EID1: variants seen among roughly 807,000 people sequenced by gnomAD.
The protein encoded by EID1 is EP300 interacting inhibitor of differentiation 1.
EID1 carries 3 observed loss-of-function variants against 13.7 expected under a neutral mutation model. The observed-to-expected ratio is 0.22, with a 90% CI of 0.10 to 0.57. EID1 has a LOEUF of 0.57. EID1 is among the 20% of genes least tolerant of loss of function. The pLI is 0.92. For missense variants in EID1, 261 were observed against 247.6 expected (o/e 1.05, Z -0.36); for synonymous variants, 105 against 97.6 (o/e 1.08, Z -0.44).
In EID1 at chr15:48,879,312, G is replaced by A. The variant is rs1370523015; in HGVS notation, c.*572G>A. On this transcript the variant is annotated 3_prime_UTR_variant, in exon 1 of 1. Coordinates refer to ENST00000530028, the MANE Select transcript of EID1 (RefSeq NM_014335.3). Reference sequence around the variant, plus strand: ...CTCAAATATGTATCACGTGTGCTTTGTATCTTAAGATGTGTTTCCAAGAGC... The same window carrying A: ...CTCAAATATGTATCACGTGTGCTTTATATCTTAAGATGTGTTTCCAAGAGC... 6.0e-6 allele frequency: 1 copy of A among 167,288 alleles called. No individual in the cohort carries two copies. The highest frequency in any genetic ancestry group is 1.5e-5 in the Non-Finnish European group (1 of 68,316). The allele number at this position is 167,288 out of a possible 1,614,324, so 10.4% of individuals were successfully genotyped here.
In EID1 at chr15:48,878,140, C is replaced by T. The variant is rs747159989; in HGVS notation, c.-37C>T. Reference sequence around the variant, plus strand: ...GCACGGCCGCGCAGCATCTGTCTTGCTGGAAGCTTTTTCCTAGAGGTTGAG... The same window carrying T: ...GCACGGCCGCGCAGCATCTGTCTTGTTGGAAGCTTTTTCCTAGAGGTTGAG... On this transcript the variant is annotated 5_prime_UTR_variant, in exon 1 of 1. Transcript: ENST00000530028. 6.6e-7 allele frequency: 1 copy of T among 1,518,736 alleles called. No homozygotes were observed. 94.1% of individuals were successfully genotyped at this position (1,518,736 alleles called of 1,614,324 possible).
rs1218006394 is a variant in EID1 at position 48,878,399 on chromosome 15, C to T, written c.223C>T (p.Leu75Phe). 7 of 1,612,148 alleles carry T rather than the reference C, an allele frequency of 4.3e-6. No individual in the cohort carries two copies. Among genetic ancestry groups the T allele is most frequent in the Non-Finnish European group, 4.2e-6 (5 of 1,178,996 alleles). ...PMAAPEGKRS[L>F]ANGPNAGEQP... ...GGCGGCGCCAGAGGGGAAACGGAGC[C>T]TTGCTAACGGGCCCAACGCTGGGGA... Residue 75 changes from leucine to phenylalanine, a missense_variant, in exon 1 of 1, where the codon CTT (leucine) becomes TTT (phenylalanine). Physicochemically the swap from Leu to Phe is conservative, Grantham distance 22. Around this residue, in one of 2 missense-constraint regions of EID1, gnomAD observed 244 missense variants for 210.8 expected, o/e 1.16. Transcript: ENST00000530028.
rs1056838803 is a variant in EID1, at chr15:48,878,662, C to A, written c.486C>A (p.Ile162=). 10 of 1,613,884 alleles carry A rather than the reference C, an allele frequency of 6.2e-6. No homozygotes were observed. The East Asian group carries it at 2.2e-4, about 36-fold the overall frequency. The change falls in exon 1 of 1, where the codon ATC becomes ATA. Residue 162 remains isoleucine (I), a synonymous_variant. Transcript: ENST00000530028. ...CCCCGTTTGATCAGTTAGCTTTTAT[C>A]GAAGAGCTTTTTTCACTGATGGTTG... The part of the protein sequence containing the change: ...EKTPFDQLAF[I]EELFSLMVVN...
rs1219209443 is a variant in EID1 at position 48,879,208 on chromosome 15, G to A, written c.*468G>A. 1 of 169,220 alleles carries A rather than the reference G, an allele frequency of 5.9e-6. No homozygotes were observed. The highest frequency in any genetic ancestry group is 1.4e-5 in the Non-Finnish European group (1 of 69,520). The allele number at this position is 169,220 out of a possible 1,614,324, so 10.5% of individuals were successfully genotyped here. On this transcript the variant is annotated 3_prime_UTR_variant, in exon 1 of 1. Coordinates refer to ENST00000530028, the MANE Select transcript of EID1 (RefSeq NM_014335.3). ...TGGACTGAAAGCTTAAGAAAACTTG[G>A]AAAATTCTATTTTGTGATCTAGTCA...
Position 48,878,415 on chromosome 15 carries a change from A to G in EID1, c.239A>G (p.Asn80Ser), listed in dbSNP as rs1466295535. Residue 80 changes from asparagine (N) to serine (S), a missense_variant, in exon 1 of 1, where the codon AAC becomes AGC. Physicochemically the swap from Asn to Ser is conservative, Grantham distance 46 (BLOSUM62 1). Coordinates refer to ENST00000530028, the MANE Select transcript of EID1 (RefSeq NM_014335.3). ...AAACGGAGCCTTGCTAACGGGCCCA[A>G]CGCTGGGGAGCAGCCAGGCCAGGTG... ...EGKRSLANGP[N>S]AGEQPGQVAG... 2 of 1,612,056 alleles carry G rather than the reference A, an allele frequency of 1.2e-6. No homozygotes were observed. The highest frequency in any genetic ancestry group is 1.7e-6 in the Non-Finnish European group (2 of 1,178,996).
In EID1 at chr15:48,878,312, C is replaced by T; in HGVS notation, c.136C>T (p.Arg46Cys). The change falls in exon 1 of 1, where the codon CGC becomes TGC. Residue 46 changes from arginine (R) to cysteine (C), a missense_variant. Around this residue, in one of 2 missense-constraint regions of EID1, gnomAD observed 244 missense variants for 210.8 expected, o/e 1.16. Transcript: ENST00000530028. The part of the protein sequence containing the change: ...GSRELSLRPS[R>C]SGAQQLEEEG... Reference sequence around the variant, plus strand: ...CCGGGAGCTATCCCTGCGTCCCTCCCGCAGCGGGGCCCAACAGCTCGAGGA... The same window carrying T: ...CCGGGAGCTATCCCTGCGTCCCTCCTGCAGCGGGGCCCAACAGCTCGAGGA... 1 of 1,613,680 alleles carries T rather than the reference C, an allele frequency of 6.2e-7. No individual in the cohort carries two copies. The highest frequency in any genetic ancestry group is 2.2e-5 in the East Asian group (1 of 44,876).
At position 48,878,764 on chromosome 15, in the gene EID1, A is replaced by G. The variant is rs745541224; in HGVS notation, c.*24A>G. On this transcript the variant is annotated 3_prime_UTR_variant, in exon 1 of 1. Transcript: ENST00000530028. The stretch of plus-strand genomic sequence containing the variant: ...AGTTAGATGCTGTTAAAAGAGGAGG[A>G]AACTACTTGAGGAGGGACCCAACTT... The G allele has an allele frequency of 1.6e-5, 25 of 1,587,506 alleles. No individual in the cohort carries two copies. Among genetic ancestry groups the G allele is most frequent in the Non-Finnish European group, 2.2e-5 (25 of 1,160,798 alleles).
rs370992223 is a variant in EID1, at chr15:48,878,248, C to T, written c.72C>T (p.Gly24=). ...ACCTGCAGATGGATGTGATGCCTGG[C>T]GAGGGTGACCTTCCGCAGATGGAGG... is the stretch of plus-strand genomic sequence containing the variant. The part of the protein sequence containing the change: ...SSDLQMDVMP[G]EGDLPQMEVG... Residue 24 remains glycine (G), a synonymous_variant, in exon 1 of 1, where the codon GGC becomes GGT. Transcript: ENST00000530028. 8.1e-5 allele frequency: 131 copies of T among 1,610,946 alleles called. No individual in the cohort carries two copies. Among genetic ancestry groups the T allele is most frequent in the Non-Finnish European group, 1.1e-4 (126 of 1,178,268 alleles).
At position 48,878,523 on chromosome 15, in the gene EID1, A is replaced by G; in HGVS notation, c.347A>G (p.Gln116Arg). The G allele has an allele frequency of 6.2e-7, 1 of 1,614,086 alleles. No homozygotes were observed. The highest frequency in any genetic ancestry group is 1.7e-5 in the Admixed American group (1 of 60,036). ...EDDYDYPEEE[Q>R]LSGAGYRVSA... is the part of the protein sequence containing the mutation. Reference sequence around the variant, plus strand: ...GACTACGACTATCCCGAAGAGGAGCAGCTCAGTGGTGCCGGCTACAGAGTA... The same window carrying G: ...GACTACGACTATCCCGAAGAGGAGCGGCTCAGTGGTGCCGGCTACAGAGTA... The change falls in exon 1 of 1, where the codon CAG (glutamine) becomes CGG (arginine). Residue 116 changes from glutamine to arginine, a missense_variant. Coordinates refer to ENST00000530028, the MANE Select transcript of EID1 (RefSeq NM_014335.3).
At position 48,880,025 on chromosome 15, in the gene EID1, T is replaced by G. The variant is rs1237969681; in HGVS notation, c.*1285T>G. ...GAGTATGTTGCCGTGGTTACCTTAC[T>G]AAGATGCTGAAGTTCTAGGAGAGTA... is the stretch of plus-strand genomic sequence containing the variant. On this transcript the variant is annotated 3_prime_UTR_variant, in exon 1 of 1. Coordinates refer to ENST00000530028, the MANE Select transcript of EID1 (RefSeq NM_014335.3). 1 of 167,092 alleles carries G rather than the reference T, an allele frequency of 6.0e-6. No homozygotes were observed. The highest frequency in any genetic ancestry group is 2.4e-5 in the African/African-American group (1 of 41,464). 10.4% of individuals were successfully genotyped at this position (167,092 alleles called of 1,614,324 possible).
chr15:48,878,693 C>T lies in EID1; in HGVS notation c.517C>T (p.Arg173Cys). Residue 173 changes from arginine (R) to cysteine (C), a missense_variant, in exon 1 of 1, where the codon CGT becomes TGT. Physicochemically the swap from Arg to Cys is radical, Grantham distance 180 (BLOSUM62 -3). Around this residue, in one of 2 missense-constraint regions of EID1, gnomAD observed 17 missense variants for 36.7 expected, o/e 0.46. Coordinates refer to ENST00000530028, the MANE Select transcript of EID1 (RefSeq NM_014335.3). ...GCTTTTTTCACTGATGGTTGTCAAT[C>T]GTCTGACCGAAGAACTCGGCTGTGA... ...EELFSLMVVN[R>C]LTEELGCDEI... is the part of the protein sequence containing the mutation. 1 of 1,613,948 alleles carries T rather than the reference C, an allele frequency of 6.2e-7. No homozygotes were observed. Among genetic ancestry groups the T allele is most frequent in the Non-Finnish European group, 8.5e-7 (1 of 1,179,842 alleles).
rs1899871720 is a variant in EID1, at chr15:48,878,496, A to T, written c.320A>T (p.Asp107Val). Residue 107 changes from aspartate (D) to valine (V), a missense_variant, in exon 1 of 1, where the codon GAC becomes GTC. Coordinates refer to ENST00000530028, the MANE Select transcript of EID1 (RefSeq NM_014335.3). Reference protein sequence around the residue: ...DEGEEFDDWEDDYDYPEEEQL... With the variant: ...DEGEEFDDWEVDYDYPEEEQL... ...GGCGAGGAATTTGATGACTGGGAGG[A>T]CGACTACGACTATCCCGAAGAGGAG... is the stretch of plus-strand genomic sequence containing the variant. 6.2e-7 allele frequency: 1 copy of T among 1,613,982 alleles called. No homozygotes were observed. The highest frequency in any genetic ancestry group is 8.5e-7 in the Non-Finnish European group (1 of 1,179,860).
rs751174240 is a variant in EID1 at position 48,879,655 on chromosome 15, T to C, written c.*915T>C. On this transcript the variant is annotated 3_prime_UTR_variant, in exon 1 of 1. Transcript: ENST00000530028. ...AAAAGCGCTATATCTAAAAAGACTT[T>C]ATGAACAGTTATTCTATCAACTTTT... 2.4e-5 allele frequency: 4 copies of C among 167,102 alleles called. No homozygotes were observed. Among genetic ancestry groups the C allele is most frequent in the Non-Finnish European group, 5.9e-5 (4 of 68,120 alleles). 10.4% of individuals were successfully genotyped at this position (167,102 alleles called of 1,614,324 possible).
chr15:48,878,512 C>A lies in EID1; in HGVS notation c.336C>A (p.Pro112=). ...ACTGGGAGGACGACTACGACTATCC[C>A]GAAGAGGAGCAGCTCAGTGGTGCCG... ...FDDWEDDYDY[P]EEEQLSGAGY... The change falls in exon 1 of 1, where the codon CCC becomes CCA. Residue 112 remains proline (P), a synonymous_variant. Coordinates refer to ENST00000530028, the MANE Select transcript of EID1 (RefSeq NM_014335.3). The A allele has an allele frequency of 1.2e-6, 2 of 1,614,018 alleles. No individual in the cohort carries two copies. Among genetic ancestry groups the A allele is most frequent in the Non-Finnish European group, 1.7e-6 (2 of 1,179,884 alleles).
At position 48,879,511 on chromosome 15, in the gene EID1, C is replaced by T. The variant is rs750890434; in HGVS notation, c.*771C>T. 6 of 166,962 alleles carry T rather than the reference C, an allele frequency of 3.6e-5. No homozygotes were observed. Among genetic ancestry groups the T allele is most frequent in the Non-Finnish European group, 7.3e-5 (5 of 68,084 alleles). 10.3% of individuals were successfully genotyped at this position (166,962 alleles called of 1,614,324 possible). A position where few individuals can be genotyped will look rare whatever the true frequency, so the allele number is the denominator to read the frequency against. ...GTGTGAATGTACAAAGAAAACAAAC[C>T]ATTGCTTATGCTGTTATATACTAGA... On this transcript the variant is annotated 3_prime_UTR_variant, in exon 1 of 1. Transcript: ENST00000530028.
rs573203888 is a variant in EID1 at position 48,878,737 on chromosome 15, G to C, written c.561G>C (p.Glu187Asp). The C allele has an allele frequency of 6.2e-7, 1 of 1,609,706 alleles. No individual in the cohort carries two copies. The highest frequency in any genetic ancestry group is 1.3e-5 in the African/African-American group (1 of 74,792). The change falls in exon 1 of 1, where the codon GAG (glutamate) becomes GAC (aspartate). Residue 187 changes from glutamate (E) to aspartate (D), a missense_variant. By Grantham distance (45) the Glu-to-Asp change is conservative. Around this residue, in one of 2 missense-constraint regions of EID1, gnomAD observed 17 missense variants for 36.7 expected, o/e 0.46. Coordinates refer to ENST00000530028, the MANE Select transcript of EID1 (RefSeq NM_014335.3). ...GCTGTGATGAGATTATTGATAGAGAGTAGTTAGATGCTGTTAAAAGAGGAG... is the reference window on the plus strand; with the variant it reads ...GCTGTGATGAGATTATTGATAGAGACTAGTTAGATGCTGTTAAAAGAGGAG... ...ELGCDEIIDR[E>D]
Position 48,878,260 on chromosome 15 carries a change from T to G in EID1, c.84T>G (p.Leu28=). 6.2e-7 allele frequency: 1 copy of G among 1,613,028 alleles called. No homozygotes were observed. ...QMDVMPGEGD[L]PQMEVGSGSR... ...ATGTGATGCCTGGCGAGGGTGACCT[T>G]CCGCAGATGGAGGTAGGCAGCGGGA... The change falls in exon 1 of 1, where the codon CTT becomes CTG. Residue 28 remains leucine (L), a synonymous_variant. Transcript: ENST00000530028.
In EID1 at chr15:48,878,865, A is replaced by C; in HGVS notation, c.*125A>C. On this transcript the variant is annotated 3_prime_UTR_variant, in exon 1 of 1. Coordinates refer to ENST00000530028, the MANE Select transcript of EID1 (RefSeq NM_014335.3). ...TGACCTTCAAAAAAATTTGTTTTTC[A>C]GAATAGAACACAATAGGACAGTGAC... The C allele has an allele frequency of 2.5e-6, 2 of 810,964 alleles. No homozygotes were observed. Among genetic ancestry groups the C allele is most frequent in the South Asian group, 1.9e-5 (1 of 53,714 alleles). The allele number at this position is 810,964 out of a possible 1,614,324, so 50.2% of individuals were successfully genotyped here.
Position 48,878,371 on chromosome 15 carries a change from A to G in EID1, c.195A>G (p.Pro65=), listed in dbSNP as rs1899865249. The G allele has an allele frequency of 6.2e-7, 1 of 1,613,088 alleles. No homozygotes were observed. Among genetic ancestry groups the G allele is most frequent in the Non-Finnish European group, 8.5e-7 (1 of 1,179,394 alleles). Residue 65 remains proline, a synonymous_variant, in exon 1 of 1, where the codon CCA becomes CCG. Transcript: ENST00000530028. ...EGPMEEEEAQ[P]MAAPEGKRSL... ...CAATGGAGGAGGAGGAGGCCCAGCC[A>G]ATGGCGGCGCCAGAGGGGAAACGGA... is the stretch of plus-strand genomic sequence containing the variant.
Sources: gnomAD v4.1 joint callset for allele counts on GRCh38, gnomAD v4.1.1 for gene constraint, gnomAD v4.1.1 regional missense constraint, MANE v1.5 for transcripts, NCBI Gene and HGNC (gene_info 2026-07-23, HGNC 2026-07-21) for gene names.